The following PDE9A variants were observed in gnomAD, a reference collection of about 807,000 sequenced individuals.
The protein encoded by PDE9A is phosphodiesterase 9A.
Under a neutral mutation model 87.4 loss-of-function variants are expected in PDE9A, and 60 were observed. The ratio of observed to expected loss-of-function variants is 0.69; its 90% CI spans 0.56 to 0.85. The LOEUF (loss-of-function observed/expected upper bound fraction) is 0.85, where lower values mean the gene tolerates loss of function less well. Ranked by LOEUF, PDE9A falls within the 40% of genes least tolerant of loss-of-function variation. The pLI is 0.00. For missense variants in PDE9A, 665 were observed against 779.0 expected, an observed-to-expected ratio of 0.85 and a Z score of 1.74; for synonymous variants, 272 against 279.4, an observed-to-expected ratio of 0.97 and a Z score of 0.27.
At chr21:42,698,804 A>G in intron 3 of PDE9A, 164 bp from the exon 4 acceptor site, 1 of 483,728 alleles carries the variant, frequency 2.1e-6, no homozygotes, top group Non-Finnish European at 3.7e-6. Flanking sequence ...CATCTGAGTA[A>G]GGAAGCTGAG....
intron 1 of PDE9A, among the ~76,000 whole-genome samples, chr21:42,654,829 C>T (rs1468699161): frequency 6.6e-6 from 1 of 152,150 alleles, no homozygotes; most frequent in Non-Finnish European, 1.5e-5. Flanking sequence ...GCTTGATCCC[C>T]GTGAAATGGA....
intron 1 of PDE9A, among the ~76,000 whole-genome samples, chr21:42,683,295 C>T (rs1008418534): frequency 2.0e-5 from 3 of 152,162 alleles, no homozygotes; most frequent in Non-Finnish European, 4.4e-5. Flanking sequence ...AGAAGCTGTC[C>T]CCAGGAGTCT....
At chr21:42,667,799 C>A (rs2058108864) in intron 1 of PDE9A, among the ~76,000 whole-genome samples, 1 of 152,032 alleles carries the variant, frequency 6.6e-6, no homozygotes, top group Admixed American at 6.6e-5. Context: ...GGTCCAGGAC[C>A]CCCTGCAGTC....
chr21:42,717,159 T>G (rs907948928), intron 4 of PDE9A, among the ~76,000 whole-genome samples: 1 of 151,706 alleles, frequency 6.6e-6, no homozygotes, highest in African/African-American at 2.4e-5. Flanking sequence ...CCATTTCTGA[T>G]GTTTTTATTT....
intron 4 of PDE9A, among the ~76,000 whole-genome samples, chr21:42,714,378 C>G (rs534641343): frequency 1.3e-5 from 2 of 152,278 alleles, no homozygotes; most frequent in African/African-American, 4.8e-5. Flanking sequence ...TGTGGTGTGT[C>G]GCACCCAGAT....
At chr21:42,725,966 C>T (rs147906163) in intron 4 of PDE9A, among the ~76,000 whole-genome samples, 484 of 152,264 alleles carry the variant, frequency 3.2e-3, no homozygotes, top group African/African-American at 0.011. Context: ...AGTGAGTGAG[C>T]CGTGTTTCCA....
chr21:42,699,501 G>A (rs1320702020), intron 4 of PDE9A, among the ~76,000 whole-genome samples: 1 of 152,096 alleles, frequency 6.6e-6, no homozygotes, highest in Non-Finnish European at 1.5e-5. Flanking sequence ...GGGATGCCTT[G>A]GGGTGCCTCA....
At chr21:42,745,693 T>G (rs2053769502) in intron 8 of PDE9A, among the ~76,000 whole-genome samples, 1 of 152,188 alleles carries the variant, frequency 6.6e-6, no homozygotes, top group South Asian at 2.1e-4. Flanking sequence ...CATGGCTGCT[T>G]TGGCAGGAGG....
rs117706723 is a variant in PDE9A at position 42,753,324 on chromosome 21, G to A, written c.736-666G>A. 3.7e-4 allele frequency among the ~76,000 whole-genome samples: 57 copies of A among 152,170 alleles called. No homozygotes were observed. In the East Asian group the frequency reaches 6.4e-3, roughly 17 times the overall value. ...CCCAGCTATTGTCCATTTTATCATC[G>A]GGCTTGTTGAGGTCTAATTTACATG... On this transcript the variant is annotated intron_variant, in intron 9 of 19. Coordinates refer to ENST00000291539, the MANE Select transcript of PDE9A (RefSeq NM_002606.3).
chr21:42,765,100 T>C (rs1457460977), intron 14 of PDE9A, among the ~76,000 whole-genome samples: 1 of 150,544 alleles, frequency 6.6e-6, no homozygotes, highest in East Asian at 2.0e-4. Flanking sequence ...GACAGATGGA[T>C]AAATGGGTGG....
At chr21:42,762,060 C>T (rs563924183) in intron 13 of PDE9A, 23 bp from the exon 14 acceptor site, 11 of 1,608,642 alleles carry the variant, frequency 6.8e-6, no homozygotes, top group African/African-American at 2.7e-5. Flanking sequence ...TGAGTCTCCC[C>T]TCACTCTCTC....
At chr21:42,698,296 G>C (rs2060250713) in intron 3 of PDE9A, among the ~76,000 whole-genome samples, 1 of 152,336 alleles carries the variant, frequency 6.6e-6, no homozygotes, top group African/African-American at 2.4e-5. Flanking sequence ...AATAGCATCT[G>C]CCTGGGGTTA....
intron 1 of PDE9A, among the ~76,000 whole-genome samples, chr21:42,662,825 G>GCA (rs1490165566): frequency 3.2e-5 from 3 of 94,250 alleles, no homozygotes; most frequent in African/African-American, 1.3e-4. Context: ...GCACACACAC[G>GCA]CACACACCCA....
intron 3 of PDE9A, chr21:42,689,735 GC>G: frequency 1.0e-6 from 1 of 985,410 alleles, no homozygotes. Context: ...GCCCTCCTGA[GC>G]CCAAAGAGCC....
Position 42,739,892 on chromosome 21 carries a change from C to T in PDE9A, c.569-3884C>T, listed in dbSNP as rs1243069034. The stretch of plus-strand genomic sequence containing the variant: ...GCCCTTGGTATTTATTTATCCTGCT[C>T]AGTATGATAAATAGCATTTTCCTCG... On this transcript the variant is annotated intron_variant, in intron 7 of 19. Transcript: ENST00000291539. The surrounding 1 kb of genome is among the most constrained non-coding windows in gnomAD (Gnocchi z 4.1). 6.6e-6 allele frequency among the ~76,000 whole-genome samples: 1 copy of T among 151,896 alleles called. No homozygotes were observed. The highest frequency in any genetic ancestry group is 1.5e-5 in the Non-Finnish European group (1 of 68,000).
At chr21:42,726,228 G>A (rs969799496) in intron 4 of PDE9A, among the ~76,000 whole-genome samples, 3 of 152,092 alleles carry the variant, frequency 2.0e-5, no homozygotes, top group African/African-American at 4.8e-5. Context: ...TGTCAGATAC[G>A]TGTCTTGCAA....
At chr21:42,750,810 C>T (rs2054342659) in intron 8 of PDE9A, among the ~76,000 whole-genome samples, 1 of 152,108 alleles carries the variant, frequency 6.6e-6, no homozygotes, top group African/African-American at 2.4e-5. Flanking sequence ...TGGTCTCGAT[C>T]TCCTGACCTC....
At chr21:42,730,226 C>T (rs893093191) in intron 4 of PDE9A, among the ~76,000 whole-genome samples, 16 of 152,140 alleles carry the variant, frequency 1.1e-4, no homozygotes, top group Non-Finnish European at 2.9e-5. Context: ...GCCTTGAGCT[C>T]GCACCAGTTC....
intron 1 of PDE9A, among the ~76,000 whole-genome samples, chr21:42,669,467 T>C (rs35894660): frequency 0.027 from 4,086 of 152,262 alleles, 73 homozygotes; most frequent in Middle Eastern, 0.051. Context: ...CTCAAATCCT[T>C]CCACTTAACA....
Sources: gnomAD v4.1 joint callset for allele counts (sites outside exome capture counted in the v4.1 genomes callset) on GRCh38, gnomAD v4.1.1 for gene constraint, Gnocchi (gnomAD v3.1) non-coding constraint, MANE v1.5 for transcripts, NCBI Gene and HGNC (gene_info 2026-07-23, HGNC 2026-07-21) for gene names.